PPCS: variants seen among roughly 807,000 people sequenced by gnomAD.
PPCS encodes the protein phosphopantothenate--cysteine ligase.
A neutral mutation model predicts 24.6 loss-of-function variants in PPCS; 17 were observed. The observed-to-expected ratio is 0.69, with a 90% CI of 0.47 to 1.04. The LOEUF (loss-of-function observed/expected upper bound fraction) is 1.04, where lower values mean the gene tolerates loss of function less well. Ranked by LOEUF, PPCS falls within the 50% of genes least tolerant of loss-of-function variation. The pLI, the probability that PPCS is intolerant of heterozygous loss-of-function variation, is 0.00. For synonymous variants in PPCS, 190 were observed against 168.3 expected, an observed-to-expected ratio of 1.13 and a Z score of -1.00; for missense variants, 360 against 402.8, an observed-to-expected ratio of 0.89 and a Z score of 0.91.
chr1:42,464,806 G>A (rs1486530232), downstream of PPCS, among the ~76,000 whole-genome samples: 1 of 152,302 alleles, frequency 6.6e-6, no homozygotes, highest in Non-Finnish European at 1.5e-5. Flanking sequence ...ATTTTAAACA[G>A]CTATTTGGGG....
chr1:42,464,101 AC>A (rs1643492279), downstream of PPCS: 1 of 152,222 alleles, frequency 6.6e-6, no homozygotes, highest in Admixed American at 6.5e-5. Context: ...TGCTTTGCGT[AC>A]CTAAGTATTT....
intron 2 of PPCS, chr1:42,467,812 T>C (rs904804829): frequency 2.0e-5 from 3 of 152,216 alleles, no homozygotes; most frequent in Non-Finnish European, 2.9e-5. Flanking sequence ...CACAGCCTAT[T>C]TGGTGAGCAA....
At chr1:42,465,457 C>T (rs747939381), downstream of PPCS, among the ~76,000 whole-genome samples, 3 of 152,156 alleles carry the variant, frequency 2.0e-5, no homozygotes, top group Non-Finnish European at 4.4e-5. Flanking sequence ...CTCCGCCTCC[C>T]GGGTTCAAGT....
In PPCS at chr1:42,459,888, C is replaced by G. The variant is rs1187767807; in HGVS notation, c.898C>G (p.Gln300Glu). The G allele has an allele frequency of 4.3e-6, 7 of 1,613,006 alleles. No individual in the cohort carries two copies. The African/African-American group carries it at 8.0e-5, about 18-fold the overall frequency. The stretch of plus-strand genomic sequence containing the variant: ...AGAAGAGAAGATAGTGGATAATCTT[C>G]AGTCTCGACACACAGCTTTTATAGG... ...EIEEKIVDNL[Q>E]SRHTAFIGDR... The change falls in exon 3 of 3, where the codon CAG becomes GAG. Residue 300 changes from glutamine (Q) to glutamate (E), a missense_variant. Around this residue, in one of 2 missense-constraint regions of PPCS, gnomAD observed 116 missense variants for 168.1 expected, o/e 0.69. Coordinates refer to ENST00000372561, the MANE Select transcript of PPCS (RefSeq NM_024664.4).
chr1:42,461,958 GTTC>G (rs1385586185), downstream of PPCS, among the ~76,000 whole-genome samples: 1 of 152,186 alleles, frequency 6.6e-6, no homozygotes, highest in Non-Finnish European at 1.5e-5. Flanking sequence ...AGTAGAATAT[GTTC>G]TTCTCTGCAT....
At chr1:42,456,499 G>A (rs916048843), upstream of PPCS, 53 of 1,414,920 alleles carry the variant, frequency 3.7e-5, no homozygotes, top group South Asian at 7.3e-4. Flanking sequence ...GCGTACACCA[G>A]GTAGGCGAGA....
downstream of PPCS, among the ~76,000 whole-genome samples, chr1:42,462,123 A>T (rs1267725716): frequency 7.0e-6 from 1 of 142,014 alleles, no homozygotes; most frequent in Non-Finnish European, 1.6e-5. Flanking sequence ...CTTAAAAACA[A>T]TCAGTGTTCT....
intron 2 of PPCS, among the ~76,000 whole-genome samples, chr1:42,466,341 G>C (rs1329727000): frequency 1.3e-5 from 2 of 152,130 alleles, no homozygotes; most frequent in African/African-American, 4.8e-5. Flanking sequence ...AAAAAACAAG[G>C]AGACTGCACC....
At chr1:42,472,512 CTT>C (rs1643804125) in intron 2 of PPCS, among the ~76,000 whole-genome samples, 2 of 152,118 alleles carry the variant, frequency 1.3e-5, no homozygotes, top group African/African-American at 4.8e-5. Flanking sequence ...GCCTCTCTAG[CTT>C]CCAGAGGAAT....
chr1:42,460,047 G>T lies in PPCS; in HGVS notation c.*121G>T. 1.4e-6 allele frequency: 2 copies of T among 1,427,648 alleles called. No homozygotes were observed. The highest frequency in any genetic ancestry group is 2.5e-5 in the East Asian group (1 of 40,326). 88.4% of individuals were successfully genotyped at this position (1,427,648 alleles called of 1,614,324 possible). A position where few individuals can be genotyped will look rare whatever the true frequency, so the allele number is the denominator to read the frequency against. ...TGAAAGAAAGGGAAAAGGCAGTGGT[G>T]TGTAGGCAAATATGGTTTGGCATTT... is the stretch of plus-strand genomic sequence containing the variant. On this transcript the variant is annotated 3_prime_UTR_variant, in exon 3 of 3. Transcript: ENST00000372561.
Position 42,459,692 on chromosome 1 carries a change from T to C in PPCS, c.702T>C (p.Thr234=). 1 of 1,614,226 alleles carries C rather than the reference T, an allele frequency of 6.2e-7. No individual in the cohort carries two copies. The highest frequency in any genetic ancestry group is 8.5e-7 in the Non-Finnish European group (1 of 1,180,032). ...KAFIISFKLE[T]DPAIVINRAR... ...TTATAATTTCCTTTAAGTTGGAGAC[T>C]GACCCCGCCATTGTAATTAATCGAG... Residue 234 remains threonine (T), a synonymous_variant, in exon 3 of 3, where the codon ACT becomes ACC. Coordinates refer to ENST00000372561, the MANE Select transcript of PPCS (RefSeq NM_024664.4).
Position 42,456,547 on chromosome 1 carries a change from G to T in PPCS, c.-19G>T. The T allele has an allele frequency of 6.9e-7, 1 of 1,449,824 alleles. No homozygotes were observed. 89.8% of individuals were successfully genotyped at this position (1,449,824 alleles called of 1,614,324 possible). On this transcript the variant is annotated 5_prime_UTR_variant, in exon 1 of 3. Coordinates refer to ENST00000372561, the MANE Select transcript of PPCS (RefSeq NM_024664.4). Reference sequence around the variant, plus strand: ...CGGCGGCCGCGAAACGTGCGCAGGCGCCGGCCGCTGCGCTGCAGATGGCGG... The same window carrying T: ...CGGCGGCCGCGAAACGTGCGCAGGCTCCGGCCGCTGCGCTGCAGATGGCGG...
chr1:42,463,412 C>T (rs1009829789), downstream of PPCS: 4 of 152,378 alleles, frequency 2.6e-5, no homozygotes, highest in African/African-American at 7.2e-5. Context: ...AGGTTCCTGC[C>T]TCAGCCCCAA....
In PPCS at chr1:42,460,716, A is replaced by C. The variant is rs1302114600; in HGVS notation, c.*790A>C. On this transcript the variant is annotated 3_prime_UTR_variant, in exon 3 of 3. Coordinates refer to ENST00000372561, the MANE Select transcript of PPCS (RefSeq NM_024664.4). Reference sequence around the variant, plus strand: ...GTCAACTTAGCCAGCTGTGCCACCTATTAGCTTTATAAACTTAGGCATTTG... The same window carrying C: ...GTCAACTTAGCCAGCTGTGCCACCTCTTAGCTTTATAAACTTAGGCATTTG... 6.6e-6 allele frequency among the ~76,000 whole-genome samples: 1 copy of C among 152,226 alleles called. No individual in the cohort carries two copies. Among genetic ancestry groups the C allele is most frequent in the Non-Finnish European group, 1.5e-5 (1 of 68,046 alleles).
At position 42,456,564 on chromosome 1, in the gene PPCS, A is replaced by C. The variant is rs1359609250; in HGVS notation, c.-2A>C. On this transcript the variant is annotated 5_prime_UTR_variant, in exon 1 of 3. Coordinates refer to ENST00000372561, the MANE Select transcript of PPCS (RefSeq NM_024664.4). The stretch of plus-strand genomic sequence containing the variant: ...GCGCAGGCGCCGGCCGCTGCGCTGC[A>C]GATGGCGGAAATGGATCCGGTAGCC... 7.5e-6 allele frequency: 11 copies of C among 1,473,658 alleles called. No individual in the cohort carries two copies. The highest frequency in any genetic ancestry group is 4.2e-5 in the South Asian group (3 of 71,922). 91.3% of individuals were successfully genotyped at this position (1,473,658 alleles called of 1,614,324 possible). A position where few individuals can be genotyped will look rare whatever the true frequency, so the allele number is the denominator to read the frequency against.
Position 42,459,627 on chromosome 1 carries a change from C to T in PPCS, c.637C>T (p.Leu213=), listed in dbSNP as rs1643350328. 6.2e-7 allele frequency: 1 copy of T among 1,613,736 alleles called. No individual in the cohort carries two copies. The highest frequency in any genetic ancestry group is 8.5e-7 in the Non-Finnish European group (1 of 1,179,790). Residue 213 remains leucine (L), a synonymous_variant, in exon 3 of 3, where the codon CTG becomes TTG. Coordinates refer to ENST00000372561, the MANE Select transcript of PPCS (RefSeq NM_024664.4). ...GATAACAATGAAGATGGTGCCAAAA[C>T]TGCTTTCTCCTTTGGTTAAAGATTG... ...LQITMKMVPK[L]LSPLVKDWAP... is the part of the protein sequence containing the mutation.
At chr1:42,468,953 C>T (rs1032964814) in intron 2 of PPCS, among the ~76,000 whole-genome samples, 5 of 151,206 alleles carry the variant, frequency 3.3e-5, no homozygotes, top group Non-Finnish European at 7.4e-5. Flanking sequence ...ACCCAGGAAG[C>T]ATACTGAGAA....
downstream of PPCS, among the ~76,000 whole-genome samples, chr1:42,463,098 T>G (rs545018303): frequency 2.0e-5 from 3 of 152,324 alleles, no homozygotes; most frequent in Admixed American, 1.3e-4. Flanking sequence ...TACAGCTGTC[T>G]CCAAAGCCAA....
downstream of PPCS, among the ~76,000 whole-genome samples, chr1:42,463,091 A>G (rs1302282596): frequency 1.3e-5 from 2 of 152,388 alleles, no homozygotes; most frequent in Admixed American, 6.5e-5. Context: ...CCATGGTTAC[A>G]GCTGTCTCCA....
Sources: gnomAD v4.1 joint callset for allele counts (sites outside exome capture counted in the v4.1 genomes callset) on GRCh38, gnomAD v4.1.1 for gene constraint, gnomAD v4.1.1 regional missense constraint, MANE v1.5 for transcripts, NCBI Gene and HGNC (gene_info 2026-07-23, HGNC 2026-07-21) for gene names.